The following DDIAS variants were observed in gnomAD, a reference collection of about 807,000 sequenced individuals.
DDIAS encodes DNA damage induced apoptosis suppressor.
Under a neutral mutation model 15.7 loss-of-function variants are expected in DDIAS, and 14 were observed. That is an observed-to-expected ratio of 0.89 (90% CI 0.59 to 1.39). The LOEUF (loss-of-function observed/expected upper bound fraction) is 1.39. Ranked by LOEUF, DDIAS falls within the 40% of genes most tolerant of loss-of-function variation. The pLI is 0.00. For missense variants in DDIAS, 1,035 were observed against 1,130.9 expected (o/e 0.92, Z 1.22); for synonymous variants, 355 against 395.9 (o/e 0.90, Z 1.23).
intron 3 of DDIAS, among the ~76,000 whole-genome samples, chr11:82,923,529 C>G (rs1860799489): frequency 6.6e-6 from 1 of 151,992 alleles, no homozygotes; most frequent in South Asian, 2.1e-4. Flanking sequence ...GTATTTTGTG[C>G]TTTATGGAAT....
intron 3 of DDIAS, among the ~76,000 whole-genome samples, chr11:82,924,913 T>G (rs1255906931): frequency 1.3e-5 from 2 of 152,242 alleles, no homozygotes; most frequent in Non-Finnish European, 2.9e-5. Flanking sequence ...AGCTATTATT[T>G]CAGATAGATC....
chr11:82,930,330 T>C, intron 5 of DDIAS, 56 bp downstream of exon 5: 1 of 1,251,672 alleles, frequency 8.0e-7, no homozygotes, highest in African/African-American at 1.5e-5. Context: ...TTGTAATGAA[T>C]TATGTGAATT....
chr11:82,929,455 G>T (rs981668255), intron 4 of DDIAS, among the ~76,000 whole-genome samples: 9 of 152,194 alleles, frequency 5.9e-5, no homozygotes, highest in Admixed American at 1.3e-4. Context: ...TGTAATCCCA[G>T]CGCTTTGGGA....
chr11:82,906,151 T>C (rs1468596400), intron 1 of DDIAS, among the ~76,000 whole-genome samples: 2 of 152,132 alleles, frequency 1.3e-5, no homozygotes, highest in Non-Finnish European at 1.5e-5. Context: ...GAAGGAAATA[T>C]TATGAAAACA....
chr11:82,910,714 C>T (rs190571240), intron 1 of DDIAS, among the ~76,000 whole-genome samples: 1 of 149,212 alleles, frequency 6.7e-6, no homozygotes, highest in Admixed American at 6.8e-5. Flanking sequence ...CTCCTGGGCT[C>T]AGGTGATCCT....
chr11:82,928,228 T>C (rs1387907076), intron 3 of DDIAS, among the ~76,000 whole-genome samples: 1 of 109,482 alleles, frequency 9.1e-6, no homozygotes, highest in Non-Finnish European at 1.7e-5. Context: ...AGACGGAATG[T>C]CACTCTGCCC....
intron 3 of DDIAS, among the ~76,000 whole-genome samples, chr11:82,922,400 C>A (rs1210955718): frequency 1.3e-5 from 2 of 152,150 alleles, no homozygotes; most frequent in Non-Finnish European, 2.9e-5. Flanking sequence ...ATGCTTGGTT[C>A]ATAATTTCTT....
At chr11:82,903,638 G>A (rs1166070859) in intron 1 of DDIAS, among the ~76,000 whole-genome samples, 1 of 151,964 alleles carries the variant, frequency 6.6e-6, no homozygotes, top group African/African-American at 2.4e-5. Flanking sequence ...GAATTTTCGT[G>A]TCAATGTTAC....
chr11:82,917,024 G>A (rs973009122), intron 3 of DDIAS, among the ~76,000 whole-genome samples: 1 of 152,112 alleles, frequency 6.6e-6, no homozygotes, highest in African/African-American at 2.4e-5. Context: ...GACCCTTTTG[G>A]AATATAAAAC....
Position 82,929,225 on chromosome 11 carries a change from A to G in DDIAS, c.275+287A>G, listed in dbSNP as rs572578596. On this transcript the variant is annotated intron_variant, in intron 4 of 5. Coordinates refer to ENST00000533655, the MANE Select transcript of DDIAS (RefSeq NM_145018.4). ...AGGCTAAGAAAGTAACATCATTTCAAATTGAAGAATTATCCAAATTGAGGT... is the reference window on the plus strand; with the variant it reads ...AGGCTAAGAAAGTAACATCATTTCAGATTGAAGAATTATCCAAATTGAGGT... 3.3e-5 allele frequency among the ~76,000 whole-genome samples: 5 copies of G among 152,356 alleles called. No homozygotes were observed. In the South Asian group the frequency reaches 8.3e-4, roughly 25 times the overall value.
chr11:82,916,312 G>A (rs1169189457), intron 3 of DDIAS, among the ~76,000 whole-genome samples: 1 of 152,056 alleles, frequency 6.6e-6, no homozygotes, highest in Non-Finnish European at 1.5e-5. Context: ...TCTATTATAA[G>A]TATACTTTAC....
Position 82,930,199 on chromosome 11 carries a change from T to G in DDIAS, c.318T>G (p.Asn106Lys). Residue 106 changes from asparagine (N) to lysine (K), a missense_variant, in exon 5 of 6, where the codon AAT becomes AAG. Coordinates refer to ENST00000533655, the MANE Select transcript of DDIAS (RefSeq NM_145018.4). ...ATAAAATTCCAGAAACACTGGACAA[T>G]GATACAACTCAGAATCTATTAACTA... Reference protein sequence around the residue: ...DPNKIPETLDNDTTQNLLTKA... With the variant: ...DPNKIPETLDKDTTQNLLTKA... 6.2e-7 allele frequency: 1 copy of G among 1,602,386 alleles called. No homozygotes were observed. Among genetic ancestry groups the G allele is most frequent in the Non-Finnish European group, 8.5e-7 (1 of 1,173,482 alleles).
At chr11:82,906,595 A>G (rs998810158) in intron 1 of DDIAS, among the ~76,000 whole-genome samples, 3 of 152,142 alleles carry the variant, frequency 2.0e-5, no homozygotes, top group South Asian at 2.1e-4. Flanking sequence ...TACATTTCCT[A>G]AAGTTTGAAT....
chr11:82,925,270 TCTCA>T (rs767006597), intron 3 of DDIAS, among the ~76,000 whole-genome samples: 30 of 152,252 alleles, frequency 2.0e-4, no homozygotes, highest in Non-Finnish European at 4.3e-4. Context: ...AGTTTTAATT[TCTCA>T]CTTTCATTTA....
At chr11:82,917,571 C>T (rs1860657625) in intron 3 of DDIAS, among the ~76,000 whole-genome samples, 1 of 152,110 alleles carries the variant, frequency 6.6e-6, no homozygotes, top group Admixed American at 6.6e-5. Context: ...GTTGGTTCCA[C>T]GATTTTGCAA....
At chr11:82,906,794 T>C (rs1036525688) in intron 1 of DDIAS, among the ~76,000 whole-genome samples, 2 of 152,166 alleles carry the variant, frequency 1.3e-5, no homozygotes, top group African/African-American at 2.4e-5. Flanking sequence ...TATATGAAAC[T>C]AGGCTGTGTA....
At chr11:82,913,989 T>A (rs1860576008) in intron 2 of DDIAS, 1 of 427,324 alleles carries the variant, frequency 2.3e-6, no homozygotes, top group Non-Finnish European at 4.6e-6. Context: ...CAGGCTGAAG[T>A]GCCATGGTGC....
intron 3 of DDIAS, among the ~76,000 whole-genome samples, chr11:82,920,117 T>C (rs1008470243): frequency 6.6e-6 from 1 of 152,110 alleles, no homozygotes; most frequent in African/African-American, 2.4e-5. Context: ...GCTAGGAGGG[T>C]TGTATTTTTC....
In DDIAS at chr11:82,928,949, T is replaced by C. The variant is rs764058291; in HGVS notation, c.275+11T>C. 6.3e-7 allele frequency: 1 copy of C among 1,591,172 alleles called. No homozygotes were observed. The highest frequency in any genetic ancestry group is 1.2e-5 in the South Asian group (1 of 86,026). Reference sequence around the variant, plus strand: ...CACTGGTTTGCACAGGTAAGAATACTTAAAACATCCTTTTTCCTGACTGCC... The same window carrying C: ...CACTGGTTTGCACAGGTAAGAATACCTAAAACATCCTTTTTCCTGACTGCC... On this transcript the variant is annotated intron_variant, in intron 4 of 5. Transcript: ENST00000533655.
Sources: allele counts gnomAD v4.1 joint callset (sites outside exome capture counted in the v4.1 genomes callset), GRCh38; gene constraint gnomAD v4.1.1; transcripts MANE v1.5; gene names NCBI Gene and HGNC (gene_info 2026-07-23, HGNC 2026-07-21).